CHD2: variants seen among roughly 807,000 people sequenced by gnomAD.
The protein encoded by CHD2 is chromodomain helicase DNA binding protein 2.
Under a neutral mutation model 243.9 loss-of-function variants are expected in CHD2, and 28 were observed. The ratio of observed to expected loss-of-function variants is 0.11; its 90% CI spans 0.09 to 0.16. CHD2 has a LOEUF of 0.16. Among genes scored for constraint, CHD2 ranks in the 10% least tolerant of loss-of-function variants. The pLI, the probability that CHD2 is intolerant of heterozygous loss-of-function variation, is 1.00. For missense variants in CHD2, 1,386 were observed against 2,209.8 expected (o/e 0.63, Z 7.47); for synonymous variants, 775 against 779.0 (o/e 0.99, Z 0.09).
chr15:92,978,259 G>A lies in CHD2; in HGVS notation c.2603G>A (p.Arg868Lys), dbSNP rs748750663. ...SEDFCFLLST[R>K]AGGLGINLAS... Reference sequence around the variant, plus strand: ...GACTTCTGTTTCCTGCTCTCGACAAGGGCTGGTGGCCTGGGAATCAATTTG... The same window carrying A: ...GACTTCTGTTTCCTGCTCTCGACAAAGGCTGGTGGCCTGGGAATCAATTTG... Residue 868 changes from arginine (R) to lysine (K), a missense_variant, in exon 21 of 39, where the codon AGG (arginine) becomes AAG (lysine). Around this residue, in one of 19 missense-constraint regions of CHD2, gnomAD observed 18 missense variants for 115.3 expected, o/e 0.16. Transcript: ENST00000394196. The A allele has an allele frequency of 1.2e-6, 2 of 1,614,176 alleles. No homozygotes were observed. Among genetic ancestry groups the A allele is most frequent in the Non-Finnish European group, 1.7e-6 (2 of 1,180,032 alleles).
chr15:92,935,479 A>G (rs573709178), intron 5 of CHD2, among the ~76,000 whole-genome samples: 1 of 152,292 alleles, frequency 6.6e-6, no homozygotes, highest in Non-Finnish European at 1.5e-5. Flanking sequence ...AGTGGACCTC[A>G]TTGGTGGCCC....
At chr15:92,985,784 A>G in intron 26 of CHD2, 111 bp downstream of exon 26, 2 of 1,099,624 alleles carry the variant, frequency 1.8e-6, no homozygotes, top group Admixed American at 5.2e-5. Context: ...AATACCTACA[A>G]AAAAGGAAAG....
intron 26 of CHD2, among the ~76,000 whole-genome samples, chr15:92,989,207 T>G (rs887821351): frequency 6.6e-6 from 1 of 152,004 alleles, no homozygotes; most frequent in Non-Finnish European, 1.5e-5. Flanking sequence ...AATTTTTATA[T>G]TTTTAGTAGA....
Position 93,006,091 on chromosome 15 carries a change from C to T in CHD2, c.4413+1340C>T, listed in dbSNP as rs534183216. Among the ~76,000 whole-genome samples, 3 of 151,332 alleles carry T rather than the reference C, an allele frequency of 2.0e-5. No homozygotes were observed. The East Asian group carries it at 5.8e-4, about 29-fold the overall frequency. ...AAGCTGAATCCCTTGGTGTTCCTCC[C>T]TCTCAACCTATGCTTTTTCTGTCTC... is the stretch of plus-strand genomic sequence containing the variant. On this transcript the variant is annotated intron_variant, in intron 34 of 38. Transcript: ENST00000394196.
intron 13 of CHD2, among the ~76,000 whole-genome samples, chr15:92,952,525 G>A (rs1023452821): frequency 1.3e-5 from 2 of 152,318 alleles, no homozygotes; most frequent in Admixed American, 1.3e-4. Flanking sequence ...CATAAGGAGT[G>A]TGCAACGTAG....
At chr15:92,971,363 A>G (rs1877764591) in intron 17 of CHD2, among the ~76,000 whole-genome samples, 1 of 151,670 alleles carries the variant, frequency 6.6e-6, no homozygotes, top group African/African-American at 2.4e-5. Context: ...AGATTTTCAC[A>G]TTTAGGATTC....
chr15:92,940,841 AAT>A (rs926978587), intron 7 of CHD2, among the ~76,000 whole-genome samples: 86 of 134,404 alleles, frequency 6.4e-4, no homozygotes, highest in African/African-American at 1.9e-3. Flanking sequence ...AATATATAAA[AAT>A]ATATATAAAT....
chr15:92,901,211 T>G lies in CHD2; in HGVS notation c.-27T>G, dbSNP rs532289709. On this transcript the variant is annotated 5_prime_UTR_variant, in exon 2 of 39. Coordinates refer to ENST00000394196, the MANE Select transcript of CHD2 (RefSeq NM_001271.4). Reference sequence around the variant, plus strand: ...CTTCAAAGCAAACACAGATTCCCCCTCCCCCTTAATATTTAAGAATTAAAA... The same window carrying G: ...CTTCAAAGCAAACACAGATTCCCCCGCCCCCTTAATATTTAAGAATTAAAA... The G allele has an allele frequency of 1.4e-6, 2 of 1,426,014 alleles. No homozygotes were observed. Among genetic ancestry groups the G allele is most frequent in the Admixed American group, 1.7e-5 (1 of 58,494 alleles). 88.3% of individuals were successfully genotyped at this position (1,426,014 alleles called of 1,614,324 possible).
intron 20 of CHD2, among the ~76,000 whole-genome samples, chr15:92,977,666 A>C (rs2053927854): frequency 6.6e-6 from 1 of 152,192 alleles, no homozygotes; most frequent in Non-Finnish European, 1.5e-5. Flanking sequence ...CTCTCCAGCC[A>C]AACCTGTTTT....
chr15:92,927,255 A>G lies in CHD2; in HGVS notation c.306A>G (p.Glu102=). The change falls in exon 4 of 39, where the codon GAA becomes GAG. Residue 102 remains glutamate (E), a synonymous_variant. Coordinates refer to ENST00000394196, the MANE Select transcript of CHD2 (RefSeq NM_001271.4). ...RIADVKKMWE[E]YPDVYGVRRS... ...TCTTAATTTTACAGATGTGGGAAGA[A>G]TATCCTGATGTTTATGGGGTCAGGC... is the stretch of plus-strand genomic sequence containing the variant. 1 of 1,612,886 alleles carries G rather than the reference A, an allele frequency of 6.2e-7. No homozygotes were observed. The highest frequency in any genetic ancestry group is 1.3e-5 in the African/African-American group (1 of 75,036).
At chr15:93,018,975 C>T (rs534251142) in intron 37 of CHD2, among the ~76,000 whole-genome samples, 1 of 152,316 alleles carries the variant, frequency 6.6e-6, no homozygotes, top group Non-Finnish European at 1.5e-5. Context: ...ACTCTCCATC[C>T]CTGGACTTCT....
intron 18 of CHD2, 79 bp downstream of exon 18, chr15:92,972,006 C>A: frequency 1.4e-6 from 2 of 1,425,338 alleles, no homozygotes; most frequent in South Asian, 1.4e-5. Flanking sequence ...TGCTCTATTT[C>A]CTTGTTGGTG....
At chr15:92,941,282 G>A (rs564121992) in intron 7 of CHD2, among the ~76,000 whole-genome samples, 3 of 151,908 alleles carry the variant, frequency 2.0e-5, no homozygotes, top group Admixed American at 6.6e-5. Flanking sequence ...GTGAGCCTCC[G>A]CGCCTAGCCA....
intron 5 of CHD2, among the ~76,000 whole-genome samples, chr15:92,937,052 A>C (rs932927512): frequency 6.6e-6 from 1 of 152,084 alleles, no homozygotes; most frequent in Admixed American, 6.6e-5. Context: ...ATTTTTCTGG[A>C]GAGGTGTCTT....
rs1064795397 is a variant in CHD2, at chr15:93,009,266, G to A, written c.4535G>A (p.Arg1512Gln). ...AACTGCCTGCTGAAAATCGGAGACC[G>A]GATAGCCGAGTGCCTTAAAGCCTAC... ...TRNCLLKIGD[R>Q]IAECLKAYSD... Residue 1512 changes from arginine (R) to glutamine (Q), a missense_variant, in exon 35 of 39, where the codon CGG becomes CAG. Physicochemically the swap from Arg to Gln is conservative, Grantham distance 43. Transcript: ENST00000394196. 6 of 1,614,198 alleles carry A rather than the reference G, an allele frequency of 3.7e-6. No homozygotes were observed. The highest frequency in any genetic ancestry group is 5.1e-6 in the Non-Finnish European group (6 of 1,180,030).
At chr15:92,939,529 C>T (rs780787498) in intron 6 of CHD2, 49 bp from the exon 7 acceptor site, 18 of 1,584,704 alleles carry the variant, frequency 1.1e-5, no homozygotes, top group Middle Eastern at 1.7e-4. Context: ...AAAGTAGACA[C>T]CAAATGATAA....
intron 25 of CHD2, 131 bp from the exon 26 acceptor site, chr15:92,985,367 A>G: frequency 1.2e-6 from 1 of 863,660 alleles, no homozygotes; most frequent in Non-Finnish European, 1.7e-6. Context: ...CTTATTTGTC[A>G]AAGGAAAATT....
At chr15:92,959,446 G>A (rs1297497715) in intron 16 of CHD2, among the ~76,000 whole-genome samples, 2 of 152,190 alleles carry the variant, frequency 1.3e-5, no homozygotes, top group African/African-American at 4.8e-5. Context: ...CTGTCCTTCT[G>A]CCAATGTCAC....
intron 2 of CHD2, among the ~76,000 whole-genome samples, chr15:92,920,198 A>G (rs1165594728): frequency 6.6e-6 from 1 of 152,150 alleles, no homozygotes; most frequent in Admixed American, 6.6e-5. Context: ...ATTTCTAGGA[A>G]TCACTCTCCT....
Sources: allele counts gnomAD v4.1 joint callset (sites outside exome capture counted in the v4.1 genomes callset), GRCh38; gene constraint gnomAD v4.1.1; regional missense constraint gnomAD v4.1.1; transcripts MANE v1.5; gene names NCBI Gene and HGNC (gene_info 2026-07-23, HGNC 2026-07-21).